Variants in ERC2 observed in about 807,000 individuals in gnomAD.
ERC2 encodes ELKS/RAB6-interacting/CAST family member 2, also known as ERC protein 2.
ERC2 carries 42 observed loss-of-function variants against 114.8 expected under a neutral mutation model. The ratio of observed to expected loss-of-function variants is 0.37; its 90% CI spans 0.29 to 0.47. The LOEUF (loss-of-function observed/expected upper bound fraction) is 0.47. ERC2 is among the 20% of genes least tolerant of loss of function. The pLI, the probability that ERC2 is intolerant of heterozygous loss-of-function variation, is 0.99. For synonymous variants in ERC2, 454 were observed against 425.5 expected, an observed-to-expected ratio of 1.07 and a Z score of -0.82; for missense variants, 939 against 1,150.7, an observed-to-expected ratio of 0.82 and a Z score of 2.66.
chr3:55,905,301 G>C (rs1013295159), intron 13 of ERC2, among the ~76,000 whole-genome samples: 1 of 152,104 alleles, frequency 6.6e-6, no homozygotes, highest in Non-Finnish European at 1.5e-5. Flanking sequence ...GGTTGGTCTC[G>C]AACTCCTGAC....
intron 14 of ERC2, among the ~76,000 whole-genome samples, chr3:55,756,021 T>C (rs1478089953): frequency 2.0e-5 from 3 of 151,998 alleles, no homozygotes; most frequent in Non-Finnish European, 4.4e-5. Flanking sequence ...ACAGAACAGG[T>C]AATGAAAAGG....
At chr3:55,800,073 T>G (rs1488312735) in intron 14 of ERC2, among the ~76,000 whole-genome samples, 2 of 152,176 alleles carry the variant, frequency 1.3e-5, no homozygotes, top group Non-Finnish European at 2.9e-5. Flanking sequence ...TGAGAGCTTG[T>G]AGTCAGTTAT....
intron 2 of ERC2, among the ~76,000 whole-genome samples, chr3:56,420,969 A>T (rs1266515187): frequency 6.6e-6 from 1 of 152,154 alleles, no homozygotes; most frequent in African/African-American, 2.4e-5. Context: ...TTTTAATTCC[A>T]TCAAGGATGC....
chr3:55,575,755 A>G (rs890653168), intron 17 of ERC2, among the ~76,000 whole-genome samples: 1 of 151,858 alleles, frequency 6.6e-6, no homozygotes, highest in African/African-American at 2.4e-5. Context: ...CACCAAATTT[A>G]CCCCCTGGCT....
rs1237152339 is a variant in ERC2 at position 55,538,151 on chromosome 3, C to T, written c.*40-26875G>A. ...CCTGTTTGGGGTTTTTGTCCCTGGC[C>T]TTTTCTTTTTATCTGAATTTCACAT... On this transcript the variant is annotated intron_variant, in intron 17 of 17. Transcript: ENST00000288221. Among the ~76,000 whole-genome samples the T allele has an allele frequency of 2.6e-5, 4 of 152,282 alleles. No homozygotes were observed. The South Asian group carries it at 6.2e-4, about 24-fold the overall frequency.
At chr3:55,938,677 G>A (rs1376611148) in intron 13 of ERC2, among the ~76,000 whole-genome samples, 1 of 152,084 alleles carries the variant, frequency 6.6e-6, no homozygotes, top group African/African-American at 2.4e-5. Flanking sequence ...TTTCTTATAA[G>A]GATCCTTTCA....
chr3:56,296,267 C>A lies in ERC2; in HGVS notation c.826G>T (p.Glu276Ter). ...AATGTCTTCCTCAAAAGGAACAGCTCCTTAGCCTGCCTGTCATGCTCGGCT... is the reference window on the plus strand; with the variant it reads ...AATGTCTTCCTCAAAAGGAACAGCTACTTAGCCTGCCTGTCATGCTCGGCT... Reference protein sequence around the residue: ...LQAEHDRQAKELFLLRKTLEE... With the variant: ...LQAEHDRQAK The change falls in exon 3 of 18, where the codon GAG (glutamate) becomes TAG (stop). Residue 276 changes from glutamate (E) to a stop codon, truncating the protein, a stop_gained. Coordinates refer to ENST00000288221, the MANE Select transcript of ERC2 (RefSeq NM_015576.3). LOFTEE classifies it high-confidence loss of function. 6.2e-7 allele frequency: 1 copy of A among 1,614,032 alleles called. No homozygotes were observed. Among genetic ancestry groups the A allele is most frequent in the African/African-American group, 1.3e-5 (1 of 75,046 alleles).
chr3:55,631,458 T>C (rs1256963118), intron 17 of ERC2, among the ~76,000 whole-genome samples: 1 of 151,980 alleles, frequency 6.6e-6, no homozygotes, highest in Non-Finnish European at 1.5e-5. Context: ...AAAGGAAAAA[T>C]ATTGCCTGAC....
At chr3:56,241,316 G>C (rs1433845983) in intron 3 of ERC2, among the ~76,000 whole-genome samples, 1 of 152,094 alleles carries the variant, frequency 6.6e-6, no homozygotes, top group Non-Finnish European at 1.5e-5. Flanking sequence ...CTAATTATCA[G>C]AGAAATGCAA....
chr3:56,071,146 C>T (rs892996555), intron 7 of ERC2, among the ~76,000 whole-genome samples: 1 of 152,144 alleles, frequency 6.6e-6, no homozygotes, highest in Non-Finnish European at 1.5e-5. Flanking sequence ...ATCCCCAGTA[C>T]CTTTGAGGCA....
rs529487653 is a variant in ERC2, at chr3:56,025,945, G to T, written c.1642-6914C>A. Among the ~76,000 whole-genome samples, 4 of 151,794 alleles carry T rather than the reference G, an allele frequency of 2.6e-5. No homozygotes were observed. In the East Asian group the frequency reaches 7.7e-4, roughly 29 times the overall value. On this transcript the variant is annotated intron_variant, in intron 7 of 17. Transcript: ENST00000288221. ...ATGGAGGAATTCTCCACTCTAACAG[G>T]ATGTGTAACATTTTAATATGGCCAA...
intron 7 of ERC2, among the ~76,000 whole-genome samples, chr3:56,025,959 T>C (rs576458395): frequency 6.6e-6 from 1 of 152,178 alleles, no homozygotes; most frequent in Non-Finnish European, 1.5e-5. Flanking sequence ...TGTAACATTT[T>C]AATATGGCCA....
chr3:55,989,735 C>G (rs900746117), intron 11 of ERC2, among the ~76,000 whole-genome samples: 1 of 152,162 alleles, frequency 6.6e-6, no homozygotes, highest in African/African-American at 2.4e-5. Flanking sequence ...AGAATAATGA[C>G]AGTTTCTGTA....
chr3:56,324,370 T>A (rs892431925), intron 2 of ERC2, among the ~76,000 whole-genome samples: 32 of 152,174 alleles, frequency 2.1e-4, no homozygotes, highest in Non-Finnish European at 4.4e-5. Flanking sequence ...TAGCACAAGG[T>A]TATGTCCTGA....
intron 13 of ERC2, among the ~76,000 whole-genome samples, chr3:55,908,847 A>G (rs969581613): frequency 2.6e-5 from 4 of 152,314 alleles, no homozygotes; most frequent in Non-Finnish European, 5.9e-5. Context: ...TGCCTGCCCC[A>G]AGGACCACCT....
chr3:56,225,133 T>G (rs1324071944), intron 3 of ERC2, among the ~76,000 whole-genome samples: 1 of 152,044 alleles, frequency 6.6e-6, no homozygotes, highest in Non-Finnish European at 1.5e-5. Flanking sequence ...TTTAGTAAAA[T>G]CTCTCAAGAT....
chr3:56,220,633 G>A (rs963248834), intron 3 of ERC2, among the ~76,000 whole-genome samples: 6 of 152,200 alleles, frequency 3.9e-5, no homozygotes, highest in African/African-American at 1.4e-4. Context: ...GAACAGTGCC[G>A]CTGGCTCCAC....
intron 2 of ERC2, among the ~76,000 whole-genome samples, chr3:56,340,808 A>T (rs981997014): frequency 6.6e-6 from 1 of 152,214 alleles, no homozygotes; most frequent in Non-Finnish European, 1.5e-5. Flanking sequence ...ATTTATAGTT[A>T]TAAGTATCTC....
At chr3:55,913,020 C>A (rs981412486) in intron 13 of ERC2, among the ~76,000 whole-genome samples, 5 of 152,074 alleles carry the variant, frequency 3.3e-5, no homozygotes, top group Non-Finnish European at 1.5e-5. Context: ...GGGTCTTGCT[C>A]TGTTGCCCAG....
Sources: gnomAD v4.1 joint callset for allele counts (sites outside exome capture counted in the v4.1 genomes callset) on GRCh38, gnomAD v4.1.1 for gene constraint, MANE v1.5 for transcripts, NCBI Gene and HGNC (gene_info 2026-07-23, HGNC 2026-07-21) for gene names.